PAM: variants seen among roughly 807,000 people sequenced by gnomAD.
PAM encodes peptidylglycine alpha-amidating monooxygenase.
PAM carries 72 observed loss-of-function variants against 122.1 expected under a neutral mutation model. The observed-to-expected ratio is 0.59, with a 90% CI of 0.49 to 0.72. The LOEUF is 0.72. Ranked by LOEUF, PAM falls within the 30% of genes least tolerant of loss-of-function variation. The pLI is 0.00. For missense variants in PAM, 1,106 were observed against 1,183.7 expected (o/e 0.93, Z 0.96); for synonymous variants, 389 against 404.4 (o/e 0.96, Z 0.46).
chr5:102,975,787 T>C (rs1224649216), intron 15 of PAM, among the ~76,000 whole-genome samples: 3 of 152,166 alleles, frequency 2.0e-5, no homozygotes, highest in African/African-American at 7.2e-5. Flanking sequence ...GCCTCTTTGG[T>C]GGGAATACAA....
intron 15 of PAM, among the ~76,000 whole-genome samples, chr5:102,986,804 C>T (rs779236361): frequency 2.6e-5 from 4 of 152,056 alleles, no homozygotes; most frequent in Non-Finnish European, 5.9e-5. Context: ...ATAAGTCTCA[C>T]GAGATCTGAT....
At position 103,009,752 on chromosome 5, in the gene PAM, C is replaced by T. The variant is rs1447727430; in HGVS notation, c.2217C>T (p.Gly739=). The change falls in exon 21 of 26, where the codon GGC becomes GGT. Residue 739 remains glycine, a splice_region_variant and synonymous_variant. Transcript: ENST00000438793. ...GGTTAACTGGATTTGCTGTTGCAGG[C>T]TTGCTCTTTGCAGTGAATGGGAAGC... ...RNVFAISYIP[G]LLFAVNGKPH... 1.9e-6 allele frequency: 3 copies of T among 1,572,954 alleles called. No homozygotes were observed. Among genetic ancestry groups the T allele is most frequent in the Non-Finnish European group, 2.6e-6 (3 of 1,142,822 alleles).
intron 14 of PAM, among the ~76,000 whole-genome samples, chr5:102,968,106 C>G (rs546905795): frequency 1.3e-5 from 2 of 151,994 alleles, no homozygotes; most frequent in Non-Finnish European, 2.9e-5. Flanking sequence ...TCTTGTGTTA[C>G]GATATGGACA....
At chr5:102,935,990 G>A (rs1294916830) in intron 7 of PAM, among the ~76,000 whole-genome samples, 1 of 152,110 alleles carries the variant, frequency 6.6e-6, no homozygotes, top group African/African-American at 2.4e-5. Context: ...CAGTGTTTTT[G>A]TAAGCTGATT....
chr5:102,839,986 A>G (rs529562872), intron 1 of PAM, among the ~76,000 whole-genome samples: 17 of 152,288 alleles, frequency 1.1e-4, no homozygotes, highest in African/African-American at 3.4e-4. Context: ...GCTTACTCCC[A>G]CTGCTTCTAT....
At chr5:102,825,593 A>C (rs1045526975) in intron 1 of PAM, among the ~76,000 whole-genome samples, 6 of 152,198 alleles carry the variant, frequency 3.9e-5, no homozygotes, top group African/African-American at 1.4e-4. Context: ...TGGCCAAGTC[A>C]TGGAACCTCT....
chr5:102,803,140 AG>A (rs1765239166), intron 1 of PAM, among the ~76,000 whole-genome samples: 2 of 134,284 alleles, frequency 1.5e-5, no homozygotes, highest in African/African-American at 6.1e-5. Flanking sequence ...AAAGAAAGAA[AG>A]AAAGAAAGGA....
Position 102,961,231 on chromosome 5 carries a change from T to C in PAM, c.1162+2T>C. ...AAGAAGAAGAAGTGTTAGACCAGGGTATGTATGCTTATTTCTATAACTAGT... is the reference window on the plus strand; with the variant it reads ...AAGAAGAAGAAGTGTTAGACCAGGGCATGTATGCTTATTTCTATAACTAGT... On this transcript the variant is annotated splice_donor_variant, in intron 14 of 25. Transcript: ENST00000438793. LOFTEE classifies it high-confidence loss of function. The C allele has an allele frequency of 6.7e-7, 1 of 1,501,622 alleles. No individual in the cohort carries two copies. The highest frequency in any genetic ancestry group is 9.3e-7 in the Non-Finnish European group (1 of 1,078,906). The allele number at this position is 1,501,622 out of a possible 1,614,324, so 93.0% of individuals were successfully genotyped here. A position where few individuals can be genotyped will look rare whatever the true frequency, so the allele number is the denominator to read the frequency against.
chr5:102,888,475 T>C (rs546395584), intron 3 of PAM, among the ~76,000 whole-genome samples: 1 of 152,028 alleles, frequency 6.6e-6, no homozygotes, highest in African/African-American at 2.4e-5. Context: ...TTAGACAAAA[T>C]TCTCAAATCA....
intron 24 of PAM, among the ~76,000 whole-genome samples, chr5:103,026,730 G>C (rs1360939056): frequency 6.6e-6 from 1 of 152,150 alleles, no homozygotes; most frequent in Non-Finnish European, 1.5e-5. Context: ...TAAATCAACC[G>C]AGCTCACAGA....
At chr5:103,015,160 C>G (rs1298766634) in intron 21 of PAM, among the ~76,000 whole-genome samples, 2 of 152,168 alleles carry the variant, frequency 1.3e-5, no homozygotes, top group Admixed American at 6.5e-5. Context: ...TTGAAATGTG[C>G]TGCTTAACCT....
chr5:102,960,714 A>C (rs946859595), intron 13 of PAM, among the ~76,000 whole-genome samples: 2 of 151,804 alleles, frequency 1.3e-5, no homozygotes, highest in Admixed American at 6.6e-5. Flanking sequence ...AACACGCTAG[A>C]GCAGCTTCTT....
intron 1 of PAM, among the ~76,000 whole-genome samples, chr5:102,779,892 T>C (rs1268482536): frequency 1.2e-5 from 1 of 86,392 alleles, no homozygotes; most frequent in Non-Finnish European, 2.2e-5. Flanking sequence ...TATACATATA[T>C]ATATATATAT....
chr5:102,948,530 A>G (rs1757741935), intron 9 of PAM, 85 bp downstream of exon 9: 2 of 676,018 alleles, frequency 3.0e-6, no homozygotes, highest in South Asian at 1.9e-5. Flanking sequence ...TATAAACTTT[A>G]AAAATAATCA....
chr5:102,986,312 C>T (rs1297717170), intron 15 of PAM, among the ~76,000 whole-genome samples: 9 of 152,046 alleles, frequency 5.9e-5, no homozygotes, highest in Non-Finnish European at 7.4e-5. Context: ...TTGTAGATGA[C>T]GTGATCTTAT....
chr5:102,995,032 C>G (rs1236959939), intron 16 of PAM, among the ~76,000 whole-genome samples: 2 of 152,060 alleles, frequency 1.3e-5, no homozygotes, highest in South Asian at 2.1e-4. Flanking sequence ...TTGCCAAGAT[C>G]TATTGTTTTA....
At chr5:102,839,844 A>G (rs1027987483) in intron 1 of PAM, among the ~76,000 whole-genome samples, 13 of 152,174 alleles carry the variant, frequency 8.5e-5, no homozygotes. Context: ...TGTCATTATA[A>G]AAACTCTTAA....
At chr5:102,839,628 A>T (rs748740082) in intron 1 of PAM, among the ~76,000 whole-genome samples, 7 of 152,164 alleles carry the variant, frequency 4.6e-5, no homozygotes, top group Non-Finnish European at 8.8e-5. Context: ...AGAGGCTTCA[A>T]ATGAAATGTT....
At chr5:102,835,395 A>G (rs1009817436) in intron 1 of PAM, among the ~76,000 whole-genome samples, 4 of 152,152 alleles carry the variant, frequency 2.6e-5, no homozygotes, top group Non-Finnish European at 5.9e-5. Flanking sequence ...TATATCTGAC[A>G]TTGGTGGTGG....
Sources: gnomAD v4.1 joint callset for allele counts (sites outside exome capture counted in the v4.1 genomes callset) on GRCh38, gnomAD v4.1.1 for gene constraint, MANE v1.5 for transcripts, NCBI Gene and HGNC (gene_info 2026-07-23, HGNC 2026-07-21) for gene names.